ZMYM5: variants seen among roughly 807,000 people sequenced by gnomAD.
ZMYM5 encodes the protein zinc finger MYM-type containing 5.
In ZMYM5, 41 loss-of-function variants were observed where a neutral mutation model predicts 61.8. That is an observed-to-expected ratio of 0.66 (90% CI 0.52 to 0.86). ZMYM5 has a LOEUF of 0.86. Among genes scored for constraint, ZMYM5 ranks in the 40% least tolerant of loss-of-function variants. The pLI, the probability that ZMYM5 is intolerant of heterozygous loss-of-function variation, is 0.00. For missense variants in ZMYM5, 706 were observed against 786.7 expected (o/e 0.90, Z 1.23); for synonymous variants, 257 against 276.4 (o/e 0.93, Z 0.70).
At chr13:19,856,778 C>A (rs1217392940) in intron 2 of ZMYM5, among the ~76,000 whole-genome samples, 1 of 152,046 alleles carries the variant, frequency 6.6e-6, no homozygotes, top group Non-Finnish European at 1.5e-5. Flanking sequence ...CCACTGCACT[C>A]CAACCTGGGT....
intron 1 of ZMYM5, 103 bp downstream of exon 1, chr13:19,863,347 C>T (rs1953850097): frequency 6.6e-6 from 1 of 152,176 alleles, no homozygotes; most frequent in Admixed American, 6.5e-5. Context: ...CCCTCGAGGC[C>T]CCGAAGCGGC....
At chr13:19,829,895 A>C (rs982259008) in intron 7 of ZMYM5, among the ~76,000 whole-genome samples, 9 of 152,156 alleles carry the variant, frequency 5.9e-5, no homozygotes, top group African/African-American at 2.2e-4. Context: ...GAAGATGAAA[A>C]TTTTGCTTTC....
At chr13:19,851,214 G>A (rs756760990) in intron 4 of ZMYM5, 141 bp downstream of exon 4, 10 of 778,796 alleles carry the variant, frequency 1.3e-5, no homozygotes, top group South Asian at 8.9e-5. Context: ...AGCGAAACTC[G>A]GTCTCCAAAA....
chr13:19,830,764 G>A (rs11840406), intron 7 of ZMYM5, among the ~76,000 whole-genome samples: 8,302 of 151,590 alleles, frequency 0.055, 343 homozygotes, highest in Non-Finnish European at 0.083. Flanking sequence ...GAGCTCAAGC[G>A]ATCCACTCGC....
intron 7 of ZMYM5, among the ~76,000 whole-genome samples, chr13:19,833,301 A>G (rs1438461347): frequency 6.6e-6 from 1 of 152,198 alleles, no homozygotes; most frequent in Non-Finnish European, 1.5e-5. Context: ...ATTATGATCT[A>G]TCTTAATTTT....
At position 19,837,501 on chromosome 13, in the gene ZMYM5, TAA is replaced by T. The variant is rs778466778; in HGVS notation, c.1038+153_1038+154del. ...GGAATTTTATTTATAAAATATCCCA[TAA>T]GATAGTTCTAACATATCCTTATTCT... is the stretch of plus-strand genomic sequence containing the variant. On this transcript the variant is annotated intron_variant, in intron 6 of 7. Coordinates refer to ENST00000337963, the MANE Select transcript of ZMYM5 (RefSeq NM_001142684.2). The T allele has an allele frequency of 8.2e-6, 13 of 1,592,416 alleles. No individual in the cohort carries two copies. The Admixed American group carries it at 2.4e-4, about 30-fold the overall frequency.
At chr13:19,856,671 G>A (rs1164358771) in intron 2 of ZMYM5, among the ~76,000 whole-genome samples, 4 of 151,394 alleles carry the variant, frequency 2.6e-5, no homozygotes, top group Admixed American at 6.6e-5. Flanking sequence ...TGATTCACGC[G>A]TGGTGGCATG....
chr13:19,859,923 G>T (rs1343009755), intron 2 of ZMYM5, among the ~76,000 whole-genome samples: 1 of 149,948 alleles, frequency 6.7e-6, no homozygotes, highest in Admixed American at 6.6e-5. Context: ...GGCCAACATG[G>T]TCAGTCCCTT....
At chr13:19,843,258 C>T in intron 4 of ZMYM5, among the ~76,000 whole-genome samples, 1 of 146,390 alleles carries the variant, frequency 6.8e-6, no homozygotes, top group Admixed American at 7.1e-5. Context: ...GCTGGGATTA[C>T]AGGCATGCGC....
intron 7 of ZMYM5, among the ~76,000 whole-genome samples, chr13:19,828,302 T>C (rs1891020430): frequency 6.6e-6 from 1 of 151,940 alleles, no homozygotes; most frequent in African/African-American, 2.4e-5. Flanking sequence ...GGTGAAACCC[T>C]GTTTCTACTA....
At position 19,835,542 on chromosome 13, in the gene ZMYM5, T is replaced by C. The variant is rs1222860689; in HGVS notation, c.1186A>G (p.Ile396Val). The C allele has an allele frequency of 2.9e-6, 4 of 1,367,600 alleles. No homozygotes were observed. Among genetic ancestry groups the C allele is most frequent in the Non-Finnish European group, 3.9e-6 (4 of 1,021,874 alleles). 84.7% of individuals were successfully genotyped at this position (1,367,600 alleles called of 1,614,324 possible). A position where few individuals can be genotyped will look rare whatever the true frequency, so the allele number is the denominator to read the frequency against. The change falls in exon 7 of 8, where the codon ATC (isoleucine) becomes GTC (valine). Residue 396 changes from isoleucine (I) to valine (V), a missense_variant. Physicochemically the swap from Ile to Val is conservative, Grantham distance 29 (BLOSUM62 3). Coordinates refer to ENST00000337963, the MANE Select transcript of ZMYM5 (RefSeq NM_001142684.2). ...YMPSKSTGNN[I>V]LVIGGQQKRF... ...TTCTGCTGACCTCCAATCACCAGGA[T>C]GTTGTTTCCAGTACTCTTACTAGGC...
Position 19,824,997 on chromosome 13 carries a change from G to T in ZMYM5, c.1490C>A (p.Ala497Asp), listed in dbSNP as rs200723443. ...NLPPSSTSTI[A>D]DTFQEQLEEK... is the part of the protein sequence containing the mutation. Reference sequence around the variant, plus strand: ...TTCCAGTTGCTCTTGAAATGTATCAGCTATGGTTGACGTGGAAGAAGGAGG... The same window carrying T: ...TTCCAGTTGCTCTTGAAATGTATCATCTATGGTTGACGTGGAAGAAGGAGG... The change falls in exon 8 of 8, where the codon GCT becomes GAT. Residue 497 changes from alanine (A) to aspartate (D), a missense_variant. Physicochemically the swap from Ala to Asp is moderately radical, Grantham distance 126 (BLOSUM62 -2). Transcript: ENST00000337963. 223 of 1,367,298 alleles carry T rather than the reference G, an allele frequency of 1.6e-4. 1 individual carries two copies. The highest frequency in any genetic ancestry group is 2.1e-4 in the Non-Finnish European group (211 of 1,021,770). The allele number at this position is 1,367,298 out of a possible 1,614,324, so 84.7% of individuals were successfully genotyped here. A position where few individuals can be genotyped will look rare whatever the true frequency, so the allele number is the denominator to read the frequency against.
chr13:19,824,558 T>C lies in ZMYM5; in HGVS notation c.1929A>G (p.Lys643=), dbSNP rs755700347. 1.6e-5 allele frequency: 21 copies of C among 1,320,016 alleles called. No homozygotes were observed. Among genetic ancestry groups the C allele is most frequent in the Non-Finnish European group, 2.0e-5 (20 of 1,001,572 alleles). The allele number at this position is 1,320,016 out of a possible 1,614,324, so 81.8% of individuals were successfully genotyped here. A position where few individuals can be genotyped will look rare whatever the true frequency, so the allele number is the denominator to read the frequency against. The part of the protein sequence containing the change: ...VKYSKLKSDL[K]KNKAIDAAEH... ...CTGCAGCATCAATAGCTTTATTTTTTTTCAGATCAGATTTTAATTTTGAGT... is the reference window on the plus strand; with the variant it reads ...CTGCAGCATCAATAGCTTTATTTTTCTTCAGATCAGATTTTAATTTTGAGT... Residue 643 remains lysine, a synonymous_variant, in exon 8 of 8, where the codon AAA becomes AAG. Transcript: ENST00000337963.
At chr13:19,853,599 C>T (rs1045787773) in intron 2 of ZMYM5, among the ~76,000 whole-genome samples, 1 of 151,050 alleles carries the variant, frequency 6.6e-6, no homozygotes, top group African/African-American at 2.4e-5. Flanking sequence ...GGCGTGGCCT[C>T]AGTTTTTTTT....
intron 2 of ZMYM5, among the ~76,000 whole-genome samples, chr13:19,853,384 T>A (rs1044876093): frequency 2.6e-5 from 4 of 152,114 alleles, no homozygotes; most frequent in Non-Finnish European, 5.9e-5. Context: ...AAGGCAAAAG[T>A]AAGTATAATT....
At chr13:19,847,529 G>A (rs1427978331) in intron 4 of ZMYM5, among the ~76,000 whole-genome samples, 1 of 152,064 alleles carries the variant, frequency 6.6e-6, no homozygotes, top group Non-Finnish European at 1.5e-5. Context: ...TTGCAAAAAT[G>A]TAAGACAATG....
At chr13:19,826,882 A>T (rs1222416666) in intron 7 of ZMYM5, among the ~76,000 whole-genome samples, 1 of 152,260 alleles carries the variant, frequency 6.6e-6, no homozygotes, top group Non-Finnish European at 1.5e-5. Flanking sequence ...AAGAATAGAT[A>T]AAAATACAGT....
At position 19,835,517 on chromosome 13, in the gene ZMYM5, T is replaced by C. The variant is rs974303384; in HGVS notation, c.1211A>G (p.Lys404Arg). The change falls in exon 7 of 8, where the codon AAG becomes AGG. Residue 404 changes from lysine to arginine, a missense_variant. Transcript: ENST00000337963. ...AATACAACTTTGGCAGCAAAATCTC[T>C]TCTGCTGACCTCCAATCACCAGGAT... is the stretch of plus-strand genomic sequence containing the variant. ...NNILVIGGQQKRFCCQSCINE... is the reference protein window; with the variant it reads ...NNILVIGGQQRRFCCQSCINE... 1 of 1,367,590 alleles carries C rather than the reference T, an allele frequency of 7.3e-7. No individual in the cohort carries two copies. The highest frequency in any genetic ancestry group is 9.8e-7 in the Non-Finnish European group (1 of 1,021,860). 84.7% of individuals were successfully genotyped at this position (1,367,590 alleles called of 1,614,324 possible). A position where few individuals can be genotyped will look rare whatever the true frequency, so the allele number is the denominator to read the frequency against.
intron 2 of ZMYM5, among the ~76,000 whole-genome samples, chr13:19,855,466 G>A (rs1012770432): frequency 6.6e-6 from 1 of 151,038 alleles, no homozygotes; most frequent in Non-Finnish European, 1.5e-5. Context: ...GTTTCACCGT[G>A]TTAGCCAGGA....
Sources: allele counts gnomAD v4.1 joint callset (sites outside exome capture counted in the v4.1 genomes callset), GRCh38; gene constraint gnomAD v4.1.1; transcripts MANE v1.5; gene names NCBI Gene and HGNC (gene_info 2026-07-23, HGNC 2026-07-21).